Variants in AGMO observed in about 807,000 individuals in gnomAD.
AGMO encodes the protein glyceryl-ether monooxygenase.
Under a neutral mutation model 60.2 loss-of-function variants are expected in AGMO, and 75 were observed. The ratio of observed to expected loss-of-function variants is 1.25; its 90% CI spans 1.03 to 1.51. The LOEUF (loss-of-function observed/expected upper bound fraction) is 1.51. Ranked by LOEUF, AGMO falls within the 40% of genes most tolerant of loss-of-function variation. The probability of loss-of-function intolerance (pLI) is 0.00; values close to 1 mark genes in which losing one functional copy is unlikely to be tolerated. For missense variants in AGMO, 763 were observed against 525.5 expected (o/e 1.45, Z -4.42); for synonymous variants, 261 against 177.1 (o/e 1.47, Z -3.76).
At chr7:15,426,400 A>G (rs988511590) in intron 4 of AGMO, among the ~76,000 whole-genome samples, 2 of 152,174 alleles carry the variant, frequency 1.3e-5, no homozygotes, top group Non-Finnish European at 2.9e-5. Flanking sequence ...GTTAACTACT[A>G]AAATAGATAA....
At chr7:15,480,254 G>A (rs1782713775) in intron 3 of AGMO, among the ~76,000 whole-genome samples, 1 of 152,150 alleles carries the variant, frequency 6.6e-6, no homozygotes, top group African/African-American at 2.4e-5. Context: ...CAGTTACGTG[G>A]AAGAAACTTT....
chr7:15,371,457 C>A (rs966140535), intron 10 of AGMO, among the ~76,000 whole-genome samples: 7 of 151,906 alleles, frequency 4.6e-5, no homozygotes, highest in Non-Finnish European at 8.8e-5. Flanking sequence ...ATGGCGCCAT[C>A]TCGGCTCACT....
intron 3 of AGMO, among the ~76,000 whole-genome samples, chr7:15,491,369 C>T (rs1445756249): frequency 6.6e-6 from 1 of 152,182 alleles, no homozygotes; most frequent in Non-Finnish European, 1.5e-5. Context: ...CTTAGCATCA[C>T]TTGCTTAACT....
rs189695806 is a variant in AGMO at position 15,405,333 on chromosome 7, T to A, written c.610-11154A>T. Among the ~76,000 whole-genome samples, 433 of 152,018 alleles carry A rather than the reference T, an allele frequency of 2.8e-3. 1 individual carries two copies. The highest frequency in any genetic ancestry group is 4.9e-3 in the Non-Finnish European group (330 of 67,842). On this transcript the variant is annotated intron_variant, in intron 5 of 12. Transcript: ENST00000342526. ...TATACACTGGGAAAACAAAAATTAA[T>A]ACAACATAGTTATTATCCTCAAGAT...
chr7:15,514,258 G>A (rs1243768004), intron 3 of AGMO, among the ~76,000 whole-genome samples: 2 of 152,082 alleles, frequency 1.3e-5, no homozygotes, highest in Non-Finnish European at 2.9e-5. Context: ...CTCTGTTAAA[G>A]TTTCTGAGAT....
At chr7:15,301,837 A>AT (rs1780444548) in intron 12 of AGMO, among the ~76,000 whole-genome samples, 1 of 152,090 alleles carries the variant, frequency 6.6e-6, no homozygotes, top group African/African-American at 2.4e-5. Flanking sequence ...CAGCTGAATA[A>AT]TTTTTTATTA....
the AGMO span, among the ~76,000 whole-genome samples, chr7:15,193,102 A>C: frequency 3.9e-5 from 6 of 152,264 alleles, no homozygotes; most frequent in East Asian, 1.2e-3. Flanking sequence ...TCTTATTCAA[A>C]GTTTCATCTT....
chr7:15,193,717 T>G, the AGMO span, among the ~76,000 whole-genome samples: 3 of 152,312 alleles, frequency 2.0e-5, no homozygotes, highest in Non-Finnish European at 4.4e-5. Context: ...CAACTAGTTC[T>G]AAACAAATGC....
intron 12 of AGMO, among the ~76,000 whole-genome samples, chr7:15,292,074 A>AT (rs35579860): frequency 2.0e-5 from 3 of 152,126 alleles, no homozygotes; most frequent in East Asian, 1.9e-4. Context: ...GGAGTCAAAG[A>AT]TTTTTTTACA....
the AGMO span, among the ~76,000 whole-genome samples, chr7:15,140,685 GATT>G: frequency 4.0e-3 from 609 of 151,950 alleles, 2 homozygotes; most frequent in Non-Finnish European, 6.5e-3. Flanking sequence ...TTAAGGTTTT[GATT>G]ATTATTTCAA....
chr7:15,187,422 A>G, the AGMO span, among the ~76,000 whole-genome samples: 1 of 152,228 alleles, frequency 6.6e-6, no homozygotes, highest in Non-Finnish European at 1.5e-5. Context: ...GCCTCTCTGT[A>G]GAGCTACTTT....
At chr7:15,195,312 G>C in the AGMO span, among the ~76,000 whole-genome samples, 1 of 152,176 alleles carries the variant, frequency 6.6e-6, no homozygotes, top group Admixed American at 6.6e-5. Context: ...AAAGAGAAAA[G>C]AGAATAGCTT....
At chr7:15,300,603 C>T (rs1185405747) in intron 12 of AGMO, among the ~76,000 whole-genome samples, 1 of 152,170 alleles carries the variant, frequency 6.6e-6, no homozygotes, top group Non-Finnish European at 1.5e-5. Flanking sequence ...AATTTTTCTT[C>T]TTGCTGGTAT....
In AGMO at chr7:15,230,568, G is replaced by T. The variant is rs188675276; in HGVS notation, c.1264-29209C>A. Among the ~76,000 whole-genome samples, 16 of 152,296 alleles carry T rather than the reference G, an allele frequency of 1.1e-4. No individual in the cohort carries two copies. In the East Asian group the frequency reaches 3.1e-3, roughly 29 times the overall value. On this transcript the variant is annotated intron_variant, in intron 12 of 12. Coordinates refer to ENST00000342526, the MANE Select transcript of AGMO (RefSeq NM_001004320.2). ...TTTCAGTAAAAGACTCAGGCCCTCT[G>T]TTGGGTCATGCTCTTTGACATATTT...
intron 12 of AGMO, among the ~76,000 whole-genome samples, chr7:15,282,873 T>A (rs1162541600): frequency 6.6e-6 from 1 of 152,190 alleles, no homozygotes; most frequent in Non-Finnish European, 1.5e-5. Context: ...GGAAAATCTA[T>A]TAGACTAACA....
chr7:15,165,627 A>C, the AGMO span, among the ~76,000 whole-genome samples: 6 of 152,204 alleles, frequency 3.9e-5, no homozygotes, highest in African/African-American at 1.4e-4. Context: ...CCAGATGTAA[A>C]GAGTAGCATA....
intron 5 of AGMO, among the ~76,000 whole-genome samples, chr7:15,403,040 T>G (rs1359242481): frequency 6.6e-6 from 1 of 151,942 alleles, no homozygotes; most frequent in Non-Finnish European, 1.5e-5. Context: ...ACAAGTTACC[T>G]TTTCCACATA....
chr7:15,447,351 C>T lies in AGMO; in HGVS notation c.410-16243G>A, dbSNP rs754769566. ...TAACATGTTCCAGCTATACCTCCAC[C>T]CCTATGGAGAATAGAGCAATAGGAA... On this transcript the variant is annotated intron_variant, in intron 3 of 12. Coordinates refer to ENST00000342526, the MANE Select transcript of AGMO (RefSeq NM_001004320.2). Among the ~76,000 whole-genome samples, 174 of 152,082 alleles carry T rather than the reference C, an allele frequency of 1.1e-3. 1 individual carries two copies. Among genetic ancestry groups the T allele is most frequent in the Non-Finnish European group, 4.6e-4 (31 of 68,022 alleles).
intron 3 of AGMO, among the ~76,000 whole-genome samples, chr7:15,436,917 A>G (rs1047070540): frequency 6.6e-6 from 1 of 152,186 alleles, no homozygotes; most frequent in African/African-American, 2.4e-5. Context: ...ACGGTCTTTA[A>G]CAAGATATCT....
Sources: gnomAD v4.1 joint callset for allele counts (sites outside exome capture counted in the v4.1 genomes callset) on GRCh38, gnomAD v4.1.1 for gene constraint, MANE v1.5 for transcripts, NCBI Gene and HGNC (gene_info 2026-07-23, HGNC 2026-07-21) for gene names.